STMN1: variants seen among roughly 807,000 people sequenced by gnomAD.
STMN1 encodes the protein stathmin.
In STMN1, 3 loss-of-function variants were observed where a neutral mutation model predicts 19.7. The observed-to-expected ratio is 0.15, with a 90% confidence interval of 0.07 to 0.39. The LOEUF (loss-of-function observed/expected upper bound fraction) is 0.39. STMN1 is among the 10% of genes least tolerant of loss of function. The probability of loss-of-function intolerance (pLI) is 1.00; values close to 1 mark genes in which losing one functional copy is unlikely to be tolerated. For synonymous variants in STMN1, 59 were observed against 58.9 expected (o/e 1.00, Z -0.01); for missense variants, 99 against 176.0 (o/e 0.56, Z 2.48).
At chr1:25,899,989 G>T, downstream of STMN1, 1 of 698,964 alleles carries the variant, frequency 1.4e-6, no homozygotes, top group Non-Finnish European at 1.8e-6. Context: ...GAATTGAGAG[G>T]CAAAGCACTG....
intron 4 of STMN1, among the ~76,000 whole-genome samples, chr1:25,890,117 A>G (rs2048759598): frequency 6.7e-6 from 1 of 150,336 alleles, no homozygotes; most frequent in South Asian, 2.1e-4. Context: ...GGAGGACTGG[A>G]GGTGTATTCA....
At chr1:25,898,548 G>C (rs1034711446), downstream of STMN1, among the ~76,000 whole-genome samples, 2 of 151,762 alleles carry the variant, frequency 1.3e-5, no homozygotes, top group African/African-American at 4.9e-5. Flanking sequence ...CACAATCTAG[G>C]TGCTTGTCAA....
exon 5 of STMN1, chr1:25,885,679 C>G (rs1167082171): frequency 2.6e-6 from 4 of 1,529,922 alleles, no homozygotes; most frequent in Non-Finnish European, 3.5e-6. Flanking sequence ...GTTCATCAGT[C>G]TCAAGGTCAT....
At chr1:25,887,574 G>A (rs1402800749) in intron 4 of STMN1, 1 of 248,246 alleles carries the variant, frequency 4.0e-6, no homozygotes, top group African/African-American at 2.3e-5. Flanking sequence ...CTTTATAGTA[G>A]AGGTATGGAA....
chr1:25,903,920 C>T (rs1266979973), intron 2 of STMN1, 107 bp from the exon 3 acceptor site: 27 of 1,187,078 alleles, frequency 2.3e-5, no homozygotes, highest in Non-Finnish European at 3.0e-5. Context: ...TAAACTAGGG[C>T]TGATGAGGAA....
downstream of STMN1, among the ~76,000 whole-genome samples, chr1:25,899,753 ATTG>A (rs1409086620): frequency 6.6e-6 from 1 of 152,070 alleles, no homozygotes; most frequent in Non-Finnish European, 1.5e-5. Flanking sequence ...GTAGGCTGTT[ATTG>A]TTCTCATGAA....
In STMN1 at chr1:25,900,278, T is replaced by A; in HGVS notation, c.*738A>T. 1 of 985,900 alleles carries A rather than the reference T, an allele frequency of 1.0e-6. No individual in the cohort carries two copies. Among genetic ancestry groups the A allele is most frequent in the Non-Finnish European group, 1.2e-6 (1 of 829,948 alleles). The allele number at this position is 985,900 out of a possible 1,614,324, so 61.1% of individuals were successfully genotyped here. ...CAACTGTTCTCTAGAAACACGCTTG[T>A]GCTTTTAATCTGCCTTTTAAAAGGG... On this transcript the variant is annotated 3_prime_UTR_variant, in exon 5 of 5. Transcript: ENST00000455785.
Position 25,901,747 on chromosome 1 carries a change from C to T in STMN1, c.187-65G>A, listed in dbSNP as rs1365378475. 9 of 1,487,148 alleles carry T rather than the reference C, an allele frequency of 6.1e-6. No homozygotes were observed. The East Asian group carries it at 1.7e-4, about 27-fold the overall frequency. The allele number at this position is 1,487,148 out of a possible 1,614,324, so 92.1% of individuals were successfully genotyped here. A position where few individuals can be genotyped will look rare whatever the true frequency, so the allele number is the denominator to read the frequency against. ...TATTCAGGCTGGGTGTGGTGGCTCA[C>T]GCCTGTAATCCCAGCACTTTGGGAG... On this transcript the variant is annotated intron_variant, in intron 3 of 4. Transcript: ENST00000455785.
In STMN1 at chr1:25,901,530, C is replaced by G; in HGVS notation, c.339G>C (p.Glu113Asp). 1 of 1,611,648 alleles carries G rather than the reference C, an allele frequency of 6.2e-7. No individual in the cohort carries two copies. The highest frequency in any genetic ancestry group is 8.5e-7 in the Non-Finnish European group (1 of 1,179,292). Residue 113 changes from glutamate (E) to aspartate (D), a missense_variant, in exon 4 of 5, where the codon GAG becomes GAC. By Grantham distance (45) the Glu-to-Asp change is conservative. Coordinates refer to ENST00000455785, the MANE Select transcript of STMN1 (RefSeq NM_005563.4). ...HKMEANKENR[E>D]AQMAAKLERL... ...GTTCCAGTTTGGCAGCCATTTGTGC[C>G]TCTCGGTTCTCTTTATTAGCTTCCA...
At chr1:25,898,020 C>T (rs1572299370), downstream of STMN1, among the ~76,000 whole-genome samples, 4 of 152,294 alleles carry the variant, frequency 2.6e-5, no homozygotes, top group South Asian at 8.3e-4. Flanking sequence ...ACCATGGCCA[C>T]CGTAGCCTGA....
rs1236084150 is a variant in STMN1, at chr1:25,900,966, C to G, written c.*50G>C. On this transcript the variant is annotated 3_prime_UTR_variant, in exon 5 of 5. Coordinates refer to ENST00000455785, the MANE Select transcript of STMN1 (RefSeq NM_005563.4). ...ATAAAATGACACTGGCCAGTACAGTCTTTGGATATTTAGGAAGGGGATGGG... is the reference window on the plus strand; with the variant it reads ...ATAAAATGACACTGGCCAGTACAGTGTTTGGATATTTAGGAAGGGGATGGG... The G allele has an allele frequency of 3.7e-6, 6 of 1,612,298 alleles. No homozygotes were observed. Among genetic ancestry groups the G allele is most frequent in the African/African-American group, 1.3e-5 (1 of 74,694 alleles).
chr1:25,893,308 C>A (rs984649952), intron 4 of STMN1, among the ~76,000 whole-genome samples: 1 of 152,180 alleles, frequency 6.6e-6, no homozygotes, highest in South Asian at 2.1e-4. Context: ...AATCCCCGAG[C>A]TATACTTTGA....
chr1:25,892,218 T>A (rs1438070133), intron 4 of STMN1, among the ~76,000 whole-genome samples: 1 of 152,062 alleles, frequency 6.6e-6, no homozygotes, highest in Non-Finnish European at 1.5e-5. Context: ...CAAAACCTCG[T>A]CTCTACTAAA....
chr1:25,899,561 T>C (rs2048849581), downstream of STMN1, among the ~76,000 whole-genome samples: 1 of 152,196 alleles, frequency 6.6e-6, no homozygotes. Flanking sequence ...AATTTAAAAG[T>C]CAATTTAAGG....
At chr1:25,891,743 GCC>G (rs889200826) in intron 4 of STMN1, among the ~76,000 whole-genome samples, 9 of 152,170 alleles carry the variant, frequency 5.9e-5, no homozygotes, top group Non-Finnish European at 1.5e-5. Flanking sequence ...CAGGCTGTGA[GCC>G]CCCTGCTCTC....
chr1:25,903,846 C>G, intron 2 of STMN1, 33 bp from the exon 3 acceptor site: 1 of 1,568,510 alleles, frequency 6.4e-7, no homozygotes, highest in South Asian at 1.2e-5. Context: ...TTCAGAAAAC[C>G]AGGATTCTCC....
Position 25,901,610 on chromosome 1 carries a change from T to C in STMN1, c.259A>G (p.Ile87Val). The C allele has an allele frequency of 1.2e-6, 2 of 1,614,152 alleles. No individual in the cohort carries two copies. The highest frequency in any genetic ancestry group is 1.7e-6 in the Non-Finnish European group (2 of 1,180,012). Residue 87 changes from isoleucine to valine, a missense_variant, in exon 4 of 5, where the codon ATA becomes GTA. By Grantham distance (29) the Ile-to-Val change is conservative. Transcript: ENST00000455785. Reference protein sequence around the residue: ...EHEKEVLQKAIEENNNFSKMA... With the variant: ...EHEKEVLQKAVEENNNFSKMA... ...TTACTGAAGTTGTTGTTCTCTTCTA[T>C]TGCCTTCTGAAGCACTTCTTTCTCG...
At chr1:25,888,317 C>T (rs1461820308) in intron 4 of STMN1, among the ~76,000 whole-genome samples, 1 of 152,144 alleles carries the variant, frequency 6.6e-6, no homozygotes, top group African/African-American at 2.4e-5. Context: ...CCTCATACCC[C>T]ACCACCCTTG....
chr1:25,885,610 T>C, exon 5 of STMN1: 2 of 1,368,484 alleles, frequency 1.5e-6, no homozygotes, highest in Non-Finnish European at 1.9e-6. Context: ...AGAATCCAAG[T>C]CTGCCTGACC....
Sources: gnomAD v4.1 joint callset for allele counts (sites outside exome capture counted in the v4.1 genomes callset) on GRCh38, gnomAD v4.1.1 for gene constraint, MANE v1.5 for transcripts, NCBI Gene and HGNC (gene_info 2026-07-23, HGNC 2026-07-21) for gene names.